WDR27: variants seen among roughly 807,000 people sequenced by gnomAD.
WDR27 encodes the protein WD repeat-containing protein 27.
Under a neutral mutation model 114.4 loss-of-function variants are expected in WDR27, and 100 were observed. That is an observed-to-expected ratio of 0.87 (90% CI 0.74 to 1.03). WDR27 has a LOEUF of 1.03. Ranked by LOEUF, WDR27 falls within the 50% of genes least tolerant of loss-of-function variation. The pLI is 0.00. For missense variants in WDR27, 1,129 were observed against 1,092.9 expected, an observed-to-expected ratio of 1.03 and a Z score of -0.47; for synonymous variants, 449 against 423.1, an observed-to-expected ratio of 1.06 and a Z score of -0.75.
Position 169,643,682 on chromosome 6 carries a change from T to G in WDR27, c.1747+15A>C, listed in dbSNP as rs181612893. Reference sequence around the variant, plus strand: ...TCCTTAAGTTCATACTGACTGAAATTAAGACATGTTTTACCTGAAAACACA... The same window carrying G: ...TCCTTAAGTTCATACTGACTGAAATGAAGACATGTTTTACCTGAAAACACA... On this transcript the variant is annotated intron_variant, in intron 17 of 25. Transcript: ENST00000448612. 11 of 1,610,512 alleles carry G rather than the reference T, an allele frequency of 6.8e-6. No individual in the cohort carries two copies. In the East Asian group the frequency reaches 2.0e-4, roughly 29 times the overall value.
chr6:169,617,566 G>A (rs190846104), intron 21 of WDR27, among the ~76,000 whole-genome samples: 21 of 152,250 alleles, frequency 1.4e-4, no homozygotes, highest in Admixed American at 9.8e-4. Context: ...AGTAAAGACC[G>A]GGTTTCACCA....
chr6:169,631,392 T>C (rs1816320685), intron 21 of WDR27, among the ~76,000 whole-genome samples: 1 of 151,930 alleles, frequency 6.6e-6, no homozygotes, highest in Non-Finnish European at 1.5e-5. Context: ...CTATTGAAAC[T>C]TGAAATGTCC....
intron 1 of WDR27, among the ~76,000 whole-genome samples, chr6:169,696,761 A>G (rs1459227455): frequency 6.6e-6 from 1 of 152,144 alleles, no homozygotes; most frequent in Non-Finnish European, 1.5e-5. Flanking sequence ...TAAAAATACA[A>G]AAATTAGCTG....
At chr6:169,539,854 A>G (rs1334694386) in intron 25 of WDR27, among the ~76,000 whole-genome samples, 1 of 152,232 alleles carries the variant, frequency 6.6e-6, no homozygotes, top group Non-Finnish European at 1.5e-5. Flanking sequence ...GGGCTATACA[A>G]TGATATTATG....
rs374730100 is a variant in WDR27, at chr6:169,672,358, A to G, written c.228T>C (p.Ala76=). ...GGTTCACTTTATTTCCAAAAGCCAT[A>G]GCAGTAATTGGCTGATGGTGTCCTC... ...ILRGHHQPIT[A]MAFGNKVNPL... Residue 76 remains alanine (A), a synonymous_variant, in exon 3 of 26, where the codon GCT becomes GCC. Transcript: ENST00000448612. 72 of 1,611,400 alleles carry G rather than the reference A, an allele frequency of 4.5e-5. No homozygotes were observed. The highest frequency in any genetic ancestry group is 5.9e-5 in the Non-Finnish European group (70 of 1,178,428).
At chr6:169,446,397 TGCAGGGAAGGTGG>T in the WDR27 span, among the ~76,000 whole-genome samples, 3 of 152,120 alleles carry the variant, frequency 2.0e-5, no homozygotes, top group South Asian at 6.2e-4. Flanking sequence ...GGGACCAGGG[TGCAGGGAAGGTGG>T]GCAGGGGCCG....
At chr6:169,529,312 C>T (rs370079143) in intron 25 of WDR27, among the ~76,000 whole-genome samples, 1 of 115,134 alleles carries the variant, frequency 8.7e-6, no homozygotes, top group Non-Finnish European at 1.8e-5. Context: ...GTGACCTCTG[C>T]GGGGGGGGGG....
chr6:169,647,739 A>G, intron 16 of WDR27, 34 bp downstream of exon 16: 1 of 1,499,924 alleles, frequency 6.7e-7, no homozygotes, highest in Non-Finnish European at 9.1e-7. Flanking sequence ...TCTTACAATG[A>G]AATGCTACCC....
intron 22 of WDR27, among the ~76,000 whole-genome samples, chr6:169,612,078 G>A (rs532852161): frequency 2.6e-5 from 4 of 152,194 alleles, no homozygotes; most frequent in South Asian, 4.2e-4. Context: ...AGAGGTTGCA[G>A]TGAGCTGAGA....
chr6:169,585,842 G>A (rs1444421081), intron 23 of WDR27, among the ~76,000 whole-genome samples: 1 of 152,094 alleles, frequency 6.6e-6, no homozygotes, highest in Non-Finnish European at 1.5e-5. Flanking sequence ...GGTGGAAGGG[G>A]AGGCAGCAGA....
chr6:169,516,788 A>AACACACACACACACACACACAC (rs3032851), intron 25 of WDR27, among the ~76,000 whole-genome samples: 11 of 119,264 alleles, frequency 9.2e-5, no homozygotes, highest in Non-Finnish European at 8.7e-5. Flanking sequence ...GGCATGCTCC[A>AACACACACACACACACACACAC]ACACACACAC....
intron 17 of WDR27, among the ~76,000 whole-genome samples, chr6:169,642,244 T>C (rs1819377438): frequency 6.6e-6 from 1 of 152,162 alleles, no homozygotes; most frequent in African/African-American, 2.4e-5. Flanking sequence ...TATTAAACGT[T>C]ACACACCCAA....
chr6:169,595,913 T>C (rs1183833311), intron 23 of WDR27, among the ~76,000 whole-genome samples: 1 of 152,096 alleles, frequency 6.6e-6, no homozygotes, highest in African/African-American at 2.4e-5. Context: ...TCAGATTCTC[T>C]TTTTGAGTAA....
At chr6:169,520,777 G>T (rs1241373124) in intron 25 of WDR27, among the ~76,000 whole-genome samples, 2 of 151,982 alleles carry the variant, frequency 1.3e-5, no homozygotes, top group Non-Finnish European at 2.9e-5. Flanking sequence ...CAGTAGAATG[G>T]ATCAAGCAGA....
intron 25 of WDR27, among the ~76,000 whole-genome samples, chr6:169,521,693 G>A (rs892335455): frequency 6.6e-6 from 1 of 151,632 alleles, no homozygotes; most frequent in African/African-American, 2.4e-5. Context: ...TTTTTTCTTT[G>A]TTTCTATTTT....
Position 169,679,716 on chromosome 6 carries a change from G to A in WDR27, c.190-7320C>T, listed in dbSNP as rs576589739. 1.1e-3 allele frequency among the ~76,000 whole-genome samples: 165 copies of A among 152,336 alleles called. 1 individual carries two copies. The highest frequency in any genetic ancestry group is 1.9e-3 in the Non-Finnish European group (129 of 68,042). On this transcript the variant is annotated intron_variant, in intron 2 of 25. Coordinates refer to ENST00000448612, the MANE Select transcript of WDR27 (RefSeq NM_182552.5). ...AGTCCTAATTAAAAGCAAAGCAGAC[G>A]TTGGTGTCATGCTTGTACAGTCTGC... is the stretch of plus-strand genomic sequence containing the variant.
At chr6:169,524,655 A>T (rs886241662) in intron 25 of WDR27, among the ~76,000 whole-genome samples, 3 of 152,224 alleles carry the variant, frequency 2.0e-5, no homozygotes, top group African/African-American at 7.2e-5. Flanking sequence ...ATTTTTGACA[A>T]AGGCAGCAAA....
At chr6:169,440,503 G>A in the WDR27 span, among the ~76,000 whole-genome samples, 2 of 152,170 alleles carry the variant, frequency 1.3e-5, no homozygotes, top group Non-Finnish European at 2.9e-5. Context: ...CTGTGAAACT[G>A]CCAACTTCAT....
intron 25 of WDR27, among the ~76,000 whole-genome samples, chr6:169,529,312 C>CA (rs1795307417): frequency 8.7e-6 from 1 of 115,134 alleles, no homozygotes; most frequent in Non-Finnish European, 1.8e-5. Context: ...GTGACCTCTG[C>CA]GGGGGGGGGG....
Sources: gnomAD v4.1 joint callset for allele counts (sites outside exome capture counted in the v4.1 genomes callset) on GRCh38, gnomAD v4.1.1 for gene constraint, MANE v1.5 for transcripts, NCBI Gene and HGNC (gene_info 2026-07-23, HGNC 2026-07-21) for gene names.